HDAC9: variants seen among roughly 807,000 people sequenced by gnomAD.
The protein encoded by HDAC9 is MEF-2 interacting transcription repressor (MITR) protein.
In HDAC9, 41 loss-of-function variants were observed where a neutral mutation model predicts 139.4. That is an observed-to-expected ratio of 0.29 (90% confidence interval 0.23 to 0.38). The LOEUF (loss-of-function observed/expected upper bound fraction) is 0.38. HDAC9 is among the 10% of genes least tolerant of loss of function. The pLI is 1.00. For missense variants in HDAC9, 1,147 were observed against 1,297.0 expected, an observed-to-expected ratio of 0.88 and a Z score of 1.78; for synonymous variants, 517 against 476.2, an observed-to-expected ratio of 1.09 and a Z score of -1.12.
chr7:18,131,994 G>A (rs1785043070), intron 1 of HDAC9, among the ~76,000 whole-genome samples: 1 of 152,184 alleles, frequency 6.6e-6, no homozygotes, highest in African/African-American at 2.4e-5. Context: ...AGATTATGGA[G>A]AATCACTGCT....
intron 8 of HDAC9, among the ~76,000 whole-genome samples, chr7:18,643,620 G>A (rs943670999): frequency 4.6e-5 from 7 of 151,978 alleles, no homozygotes; most frequent in African/African-American, 9.7e-5. Flanking sequence ...TATTTTCCCC[G>A]GTTAATTGAT....
intron 22 of HDAC9, among the ~76,000 whole-genome samples, chr7:18,923,272 A>T (rs565008792): frequency 6.6e-6 from 1 of 152,160 alleles, no homozygotes; most frequent in African/African-American, 2.4e-5. Context: ...TCACACTCTA[A>T]GGTTAGAGCA....
chr7:18,307,168 T>C (rs1265004259), intron 1 of HDAC9, among the ~76,000 whole-genome samples: 1 of 151,042 alleles, frequency 6.6e-6, no homozygotes, highest in Non-Finnish European at 1.5e-5. Flanking sequence ...GGCAAGAGTA[T>C]CTTTTTTAAA....
chr7:18,131,503 C>G (rs1473196797), intron 1 of HDAC9, among the ~76,000 whole-genome samples: 3 of 152,120 alleles, frequency 2.0e-5, no homozygotes, highest in African/African-American at 7.2e-5. Context: ...TATTAATAAT[C>G]TTCATTTGTT....
rs545453609 is a variant in HDAC9 at position 18,991,415 on chromosome 7, C to T, written c.3171-4608C>T. Among the ~76,000 whole-genome samples, 258 of 152,252 alleles carry T rather than the reference C, an allele frequency of 1.7e-3. 2 individuals are homozygous for T. The highest frequency in any genetic ancestry group is 5.1e-3 in the African/African-American group (214 of 41,560). On this transcript the variant is annotated intron_variant, in intron 25 of 25. Transcript: ENST00000686413. ...CAGTGCTTTGGGAGGCCGAGGCGGG[C>T]AGATCACGAGGTCAGATCAAGACCA...
At chr7:18,376,347 T>G (rs1398649644) in intron 1 of HDAC9, among the ~76,000 whole-genome samples, 1 of 152,224 alleles carries the variant, frequency 6.6e-6, no homozygotes, top group African/African-American at 2.4e-5. Context: ...TTCCAGGACA[T>G]AAATATTATT....
At chr7:18,252,931 C>A (rs1214353045) in intron 2 of HDAC9, among the ~76,000 whole-genome samples, 1 of 152,150 alleles carries the variant, frequency 6.6e-6, no homozygotes, top group East Asian at 1.9e-4. Context: ...ATCCTCCACC[C>A]CAGTGTGTGT....
intron 11 of HDAC9, among the ~76,000 whole-genome samples, chr7:18,662,327 G>A (rs1454727685): frequency 5.9e-5 from 9 of 152,162 alleles, no homozygotes; most frequent in African/African-American, 2.2e-4. Flanking sequence ...AAAGCCTAAA[G>A]AGAAGGGGAA....
chr7:18,522,857 A>C (rs1805535941), intron 2 of HDAC9, among the ~76,000 whole-genome samples: 1 of 152,206 alleles, frequency 6.6e-6, no homozygotes, highest in Admixed American at 6.5e-5. Flanking sequence ...ACAAGTGAGG[A>C]AACTGAGCTC....
At chr7:18,874,444 C>T in intron 21 of HDAC9, 34 bp from the exon 22 acceptor site, 4 of 1,374,936 alleles carry the variant, frequency 2.9e-6, no homozygotes, top group Non-Finnish European at 4.1e-6. Context: ...ATTCACCAGT[C>T]CCACGTGTGA....
At chr7:18,549,370 A>C (rs1165927105) in intron 2 of HDAC9, among the ~76,000 whole-genome samples, 1 of 152,234 alleles carries the variant, frequency 6.6e-6, no homozygotes, top group Non-Finnish European at 1.5e-5. Context: ...AGCTGTTTTC[A>C]TTTGAAATAA....
chr7:18,777,701 CA>C (rs1226993886), intron 16 of HDAC9, among the ~76,000 whole-genome samples: 4 of 151,838 alleles, frequency 2.6e-5, no homozygotes, highest in Non-Finnish European at 5.9e-5. Flanking sequence ...ACCATTTTAG[CA>C]AAATAATAAT....
intron 2 of HDAC9, among the ~76,000 whole-genome samples, chr7:18,536,395 T>G (rs538601143): frequency 6.6e-6 from 1 of 152,172 alleles, no homozygotes; most frequent in Non-Finnish European, 1.5e-5. Flanking sequence ...TGTAACTTAA[T>G]TTGGAAGAGC....
intron 19 of HDAC9, 44 bp from the exon 20 acceptor site, chr7:18,835,423 G>A (rs771358859): frequency 1.3e-6 from 2 of 1,578,354 alleles, no homozygotes; most frequent in Non-Finnish European, 1.7e-6. Context: ...TCCACACAAA[G>A]TTAGACATGA....
chr7:18,298,281 T>G (rs940397742), intron 1 of HDAC9, among the ~76,000 whole-genome samples: 4 of 140,418 alleles, frequency 2.8e-5, no homozygotes, highest in Non-Finnish European at 4.6e-5. Flanking sequence ...CATTTTTATG[T>G]TTTTTTTTTT....
intron 3 of HDAC9, among the ~76,000 whole-genome samples, chr7:18,588,442 A>G (rs1355001166): frequency 6.6e-6 from 1 of 152,188 alleles, no homozygotes; most frequent in African/African-American, 2.4e-5. Context: ...ACTCAAGTCA[A>G]AAATATAAAA....
intron 16 of HDAC9, among the ~76,000 whole-genome samples, chr7:18,786,510 CTCTCATGTACTTTTTGCTCACATACA>C (rs1585035150): frequency 2.1e-4 from 27 of 129,054 alleles, no homozygotes; most frequent in African/African-American, 3.1e-4. Flanking sequence ...TCCTTCCTCT[CTCTCATGTACTTTTTGCTCACATACA>C]CTTCCTGTGT....
At position 18,835,971 on chromosome 7, in the gene HDAC9, A is replaced by C. The variant is rs1212551954; in HGVS notation, c.2658A>C (p.Gly886=). ...AWTGGLDPPM[G]DVEYLEAFRT... ...CAGGTGGCCTTGATCCTCCCATGGG[A>C]GATGTTGAGTACCTTGAAGCATTCA... is the stretch of plus-strand genomic sequence containing the variant. The change falls in exon 21 of 26, where the codon GGA becomes GGC. Residue 886 remains glycine, a synonymous_variant. Transcript: ENST00000686413. 6.4e-7 allele frequency: 1 copy of C among 1,564,624 alleles called. No homozygotes were observed. Among genetic ancestry groups the C allele is most frequent in the African/African-American group, 1.4e-5 (1 of 73,730 alleles).
At chr7:18,675,375 C>T (rs1165101206) in intron 12 of HDAC9, among the ~76,000 whole-genome samples, 1 of 152,010 alleles carries the variant, frequency 6.6e-6, no homozygotes. Flanking sequence ...TCTGCCAAGC[C>T]TCTGTTTACT....
Sources: gnomAD v4.1 joint callset for allele counts (sites outside exome capture counted in the v4.1 genomes callset) on GRCh38, gnomAD v4.1.1 for gene constraint, MANE v1.5 for transcripts, NCBI Gene and HGNC (gene_info 2026-07-23, HGNC 2026-07-21) for gene names.